The following TRIM67 variants were observed in gnomAD, a reference collection of about 807,000 sequenced individuals.
TRIM67 encodes tripartite motif containing 67, also known as tripartite motif-containing protein 67.
Under a neutral mutation model 71.0 loss-of-function variants are expected in TRIM67, and 39 were observed. The observed-to-expected ratio is 0.55, with a 90% CI of 0.43 to 0.72. TRIM67 has a LOEUF of 0.72. Among genes scored for constraint, TRIM67 ranks in the 30% least tolerant of loss-of-function variants. TRIM67 has a pLI of 0.00. For missense variants in TRIM67, 973 were observed against 1,079.2 expected (o/e 0.90, Z 1.38); for synonymous variants, 481 against 473.9 (o/e 1.01, Z -0.19).
intron 1 of TRIM67, among the ~76,000 whole-genome samples, chr1:231,189,388 C>G (rs149468314): frequency 2.2e-4 from 33 of 152,152 alleles, no homozygotes; most frequent in African/African-American, 8.0e-4. Flanking sequence ...AGTTAAGCAT[C>G]TTGAGATGGG....
At chr1:231,168,048 A>T (rs1167543018) in intron 1 of TRIM67, among the ~76,000 whole-genome samples, 1 of 152,018 alleles carries the variant, frequency 6.6e-6, no homozygotes, top group East Asian at 1.9e-4. Flanking sequence ...TGTAGGCTCA[A>T]CTTCCTGGGC....
intron 1 of TRIM67, among the ~76,000 whole-genome samples, chr1:231,189,136 C>T (rs374428091): frequency 6.6e-5 from 10 of 152,246 alleles, no homozygotes; most frequent in African/African-American, 1.9e-4. Context: ...GCTGGGGATG[C>T]GACACTGGAT....
At chr1:231,212,629 G>A (rs1407909671) in intron 8 of TRIM67, among the ~76,000 whole-genome samples, 1 of 151,990 alleles carries the variant, frequency 6.6e-6, no homozygotes, top group Non-Finnish European at 1.5e-5. Flanking sequence ...AGGCTGAGGT[G>A]GGAGGATCCG....
At chr1:231,173,913 C>T (rs2102718269) in intron 1 of TRIM67, among the ~76,000 whole-genome samples, 1 of 152,242 alleles carries the variant, frequency 6.6e-6, no homozygotes, top group South Asian at 2.1e-4. Flanking sequence ...TGGAGAGAGG[C>T]TTATGCATTC....
chr1:231,201,660 C>A, intron 5 of TRIM67, 143 bp downstream of exon 5: 1 of 1,068,360 alleles, frequency 9.4e-7, no homozygotes. Context: ...AGTCACGGAC[C>A]TAGGTTCAAG....
rs147236016 is a variant in TRIM67 at position 231,199,264 on chromosome 1, C to T, written c.1263+95C>T. 2.2e-5 allele frequency: 26 copies of T among 1,199,680 alleles called. No individual in the cohort carries two copies. The African/African-American group carries it at 3.3e-4, about 15-fold the overall frequency. The allele number at this position is 1,199,680 out of a possible 1,614,324, so 74.3% of individuals were successfully genotyped here. A position where few individuals can be genotyped will look rare whatever the true frequency, so the allele number is the denominator to read the frequency against. On this transcript the variant is annotated intron_variant, in intron 3 of 9. Coordinates refer to ENST00000366653, the MANE Select transcript of TRIM67 (RefSeq NM_001004342.5). ...AGAGTAGGCACTGGGGAAATAACAGCTAAGTGAGTGAATGAATGAGCTAAT... is the reference window on the plus strand; with the variant it reads ...AGAGTAGGCACTGGGGAAATAACAGTTAAGTGAGTGAATGAATGAGCTAAT...
chr1:231,196,904 C>A (rs1473841777), intron 1 of TRIM67, among the ~76,000 whole-genome samples: 2 of 152,242 alleles, frequency 1.3e-5, no homozygotes, highest in Non-Finnish European at 2.9e-5. Context: ...TCCTGTCCAT[C>A]CCTCAGGGCA....
chr1:231,212,058 T>C (rs1683886864), intron 8 of TRIM67, among the ~76,000 whole-genome samples: 1 of 152,202 alleles, frequency 6.6e-6, no homozygotes, highest in Non-Finnish European at 1.5e-5. Context: ...CAAAATTCTC[T>C]CGGCCACGAG....
chr1:231,214,886 G>A (rs1019484086), intron 9 of TRIM67, among the ~76,000 whole-genome samples: 1 of 152,034 alleles, frequency 6.6e-6, no homozygotes, highest in Non-Finnish European at 1.5e-5. Context: ...AATCGCTTGA[G>A]CCCAGAAGTT....
chr1:231,211,213 A>G (rs1415641983), intron 8 of TRIM67, among the ~76,000 whole-genome samples: 1 of 151,780 alleles, frequency 6.6e-6, no homozygotes, highest in African/African-American at 2.4e-5. Context: ...ATTGGCCACC[A>G]CACCCCTCCC....
At chr1:231,174,638 AT>A (rs1213915212) in intron 1 of TRIM67, among the ~76,000 whole-genome samples, 1 of 151,912 alleles carries the variant, frequency 6.6e-6, no homozygotes, top group East Asian at 1.9e-4. Flanking sequence ...ATTTTCTCAG[AT>A]GTCCTGCCCT....
chr1:231,163,975 G>T lies in TRIM67; in HGVS notation c.1006G>T (p.Glu336Ter), dbSNP rs767432796. The T allele has an allele frequency of 6.3e-7, 1 of 1,581,332 alleles. No individual in the cohort carries two copies. Among genetic ancestry groups the T allele is most frequent in the Non-Finnish European group, 8.6e-7 (1 of 1,163,810 alleles). Reference protein sequence around the residue: ...CLEEGRHAKHEVKPLGAMWKQ... With the variant: ...CLEEGRHAKH Reference sequence around the variant, plus strand: ...GGAGGAGGGCCGGCACGCCAAGCACGAGGTGAAGCCGCTGGGGGCCATGTG... The same window carrying T: ...GGAGGAGGGCCGGCACGCCAAGCACTAGGTGAAGCCGCTGGGGGCCATGTG... Residue 336 changes from glutamate to a stop codon, truncating the protein, a stop_gained, in exon 1 of 10, where the codon GAG becomes TAG. Coordinates refer to ENST00000366653, the MANE Select transcript of TRIM67 (RefSeq NM_001004342.5). LOFTEE classifies it high-confidence loss of function.
At chr1:231,203,767 T>C in intron 5 of TRIM67, 100 bp from the exon 6 acceptor site, 1 of 1,447,124 alleles carries the variant, frequency 6.9e-7, no homozygotes, top group Admixed American at 2.1e-5. Context: ...AGCCTGGCTG[T>C]CCTCTGGAGG....
intron 1 of TRIM67, among the ~76,000 whole-genome samples, chr1:231,182,389 C>G: frequency 6.6e-6 from 1 of 151,938 alleles, no homozygotes; most frequent in East Asian, 1.9e-4. Flanking sequence ...CAATGAGACC[C>G]TGTCCTAAAA....
chr1:231,175,431 C>G (rs1297458307), intron 1 of TRIM67, among the ~76,000 whole-genome samples: 1 of 152,220 alleles, frequency 6.6e-6, no homozygotes, highest in African/African-American at 2.4e-5. Flanking sequence ...TTCGTGGGTG[C>G]AGTCAGAAGA....
Position 231,162,840 on chromosome 1 carries a change from G to T in TRIM67, c.-130G>T, listed in dbSNP as rs1308943524. ...GAGGGGCGTGCCCCTCGGCTGTGAA[G>T]TGGGCATGCCCGTGTGATGCCCCCG... On this transcript the variant is annotated 5_prime_UTR_variant, in exon 1 of 10. Transcript: ENST00000366653. The T allele has an allele frequency of 8.1e-7, 1 of 1,233,088 alleles. No individual in the cohort carries two copies. 76.4% of individuals were successfully genotyped at this position (1,233,088 alleles called of 1,614,324 possible).
At position 231,205,468 on chromosome 1, in the gene TRIM67, G is replaced by A. The variant is rs571767161; in HGVS notation, c.1681-1184G>A. Among the ~76,000 whole-genome samples, 359 of 152,240 alleles carry A rather than the reference G, an allele frequency of 2.4e-3. 1 individual carries two copies. The highest frequency in any genetic ancestry group is 8.2e-3 in the African/African-American group (341 of 41,538). On this transcript the variant is annotated intron_variant, in intron 6 of 9. Transcript: ENST00000366653. ...GGGCCAGGCACGGTGGCTCACACCC[G>A]TAATCCCAGCACTTTGGGAGGCCAA...
Position 231,206,624 on chromosome 1 carries a change from C to G in TRIM67, c.1681-28C>G. Reference sequence around the variant, plus strand: ...AGGAGCTTTCCAAATGCTAGAGGAGCCTGGTGAGCAGCATTGCTCTCTTTC... The same window carrying G: ...AGGAGCTTTCCAAATGCTAGAGGAGGCTGGTGAGCAGCATTGCTCTCTTTC... On this transcript the variant is annotated intron_variant, in intron 6 of 9. Coordinates refer to ENST00000366653, the MANE Select transcript of TRIM67 (RefSeq NM_001004342.5). The G allele has an allele frequency of 3.3e-6, 5 of 1,535,982 alleles. No individual in the cohort carries two copies. The South Asian group carries it at 6.4e-5, about 20-fold the overall frequency.
At chr1:231,188,139 C>A (rs964431806) in intron 1 of TRIM67, among the ~76,000 whole-genome samples, 77 of 152,110 alleles carry the variant, frequency 5.1e-4, no homozygotes, top group African/African-American at 1.8e-3. Flanking sequence ...TACATGGCAC[C>A]ATATTGCTAT....
Sources: gnomAD v4.1 joint callset for allele counts (sites outside exome capture counted in the v4.1 genomes callset) on GRCh38, gnomAD v4.1.1 for gene constraint, MANE v1.5 for transcripts, NCBI Gene and HGNC (gene_info 2026-07-23, HGNC 2026-07-21) for gene names.